The following TRIP10 variants were observed in gnomAD, a reference collection of about 807,000 sequenced individuals.
TRIP10 encodes the protein cdc42-interacting protein 4.
In TRIP10, 54 loss-of-function variants were observed where a neutral mutation model predicts 80.9. The ratio of observed to expected loss-of-function variants is 0.67; its 90% CI spans 0.54 to 0.84. The LOEUF is 0.84. TRIP10 is among the 40% of genes least tolerant of loss of function. The pLI is 0.00. For missense variants in TRIP10, 773 were observed against 815.3 expected, an observed-to-expected ratio of 0.95 and a Z score of 0.63; for synonymous variants, 321 against 307.2, an observed-to-expected ratio of 1.04 and a Z score of -0.47.
intron 11 of TRIP10, among the ~76,000 whole-genome samples, chr19:6,749,558 T>C (rs1388920109): frequency 2.0e-5 from 3 of 152,000 alleles, no homozygotes. Flanking sequence ...AACCCCTGTT[T>C]TTTGCTTGTT....
rs909904546 is a variant in TRIP10 at position 6,746,939 on chromosome 19, G to T, written c.1262+378G>T. Among the ~76,000 whole-genome samples, 2 of 152,188 alleles carry T rather than the reference G, an allele frequency of 1.3e-5. No homozygotes were observed. Among genetic ancestry groups the T allele is most frequent in the African/African-American group, 2.4e-5 (1 of 41,444 alleles). On this transcript the variant is annotated intron_variant, in intron 11 of 14. Coordinates refer to ENST00000313244, the MANE Select transcript of TRIP10 (RefSeq NM_001288962.2). This position sits in a 1 kb window ranked among gnomAD's most constrained non-coding sequence, Gnocchi z 6.2. ...ATTATAGGCATGAGCCACTGCCCGG[G>T]TCTGTAAATGAATGACATTTAAATG...
intron 11 of TRIP10, among the ~76,000 whole-genome samples, chr19:6,749,253 T>C (rs1449875861): frequency 6.6e-6 from 1 of 152,150 alleles, no homozygotes; most frequent in Non-Finnish European, 1.5e-5. Flanking sequence ...CCCAGTGTTA[T>C]ATTTCTGATG....
rs902313774 is a variant in TRIP10 at position 6,745,711 on chromosome 19, A to G, written c.985-318A>G. The G allele has an allele frequency of 1.1e-5, 11 of 985,150 alleles. No homozygotes were observed. The highest frequency in any genetic ancestry group is 1.2e-4 in the Admixed American group (2 of 16,256). 61.0% of individuals were successfully genotyped at this position (985,150 alleles called of 1,614,324 possible). A position where few individuals can be genotyped will look rare whatever the true frequency, so the allele number is the denominator to read the frequency against. Reference sequence around the variant, plus strand: ...CCTGGACCCATGCTTGCTCCCGGACATAACATTCCAGAGACCTAGGAGATA... The same window carrying G: ...CCTGGACCCATGCTTGCTCCCGGACGTAACATTCCAGAGACCTAGGAGATA... On this transcript the variant is annotated intron_variant, in intron 9 of 14. Transcript: ENST00000313244. This position sits in a 1 kb window ranked among gnomAD's most constrained non-coding sequence, Gnocchi z 7.2.
In TRIP10 at chr19:6,745,181, C is replaced by G; in HGVS notation, c.984+187C>G. 1 of 785,968 alleles carries G rather than the reference C, an allele frequency of 1.3e-6. No individual in the cohort carries two copies. The highest frequency in any genetic ancestry group is 1.9e-6 in the Non-Finnish European group (1 of 521,732). The allele number at this position is 785,968 out of a possible 1,614,324, so 48.7% of individuals were successfully genotyped here. A position where few individuals can be genotyped will look rare whatever the true frequency, so the allele number is the denominator to read the frequency against. ...GCCTGGGAGTCCCCCGAGGCGAAGG[C>G]GGGGGCAGGGTGGGGAGGTGGGGAG... On this transcript the variant is annotated intron_variant, in intron 9 of 14. Coordinates refer to ENST00000313244, the MANE Select transcript of TRIP10 (RefSeq NM_001288962.2). The surrounding 1 kb of genome is among the most constrained non-coding windows in gnomAD (Gnocchi z 7.2).
At position 6,743,199 on chromosome 19, in the gene TRIP10, C is replaced by A. The variant is rs781189979; in HGVS notation, c.351C>A (p.Phe117Leu). Residue 117 changes from phenylalanine (F) to leucine (L), a missense_variant, in exon 5 of 15, where the codon TTC becomes TTA. Coordinates refer to ENST00000313244, the MANE Select transcript of TRIP10 (RefSeq NM_001288962.2). ...QEMKQERKMHFQEGRRAQQQL... is the reference protein window; with the variant it reads ...QEMKQERKMHLQEGRRAQQQL... ...TATCACTCTTCTTTCTGTAGCACTT[C>A]CAAGAAGGGCGGCGGGCCCAGCAGC... 1 of 1,614,166 alleles carries A rather than the reference C, an allele frequency of 6.2e-7. No individual in the cohort carries two copies. The highest frequency in any genetic ancestry group is 8.5e-7 in the Non-Finnish European group (1 of 1,180,022).
Position 6,745,922 on chromosome 19 carries a change from CCGTCCATCCGTG to C in TRIP10, c.985-97_985-86del. ...TCCTTTTTCCTTTTTTTGCGTCCAT[CCGTCCATCCGTG>C]CGTCCATCCCTCCGTCCATTCGTCC... On this transcript the variant is annotated intron_variant, in intron 9 of 14. Coordinates refer to ENST00000313244, the MANE Select transcript of TRIP10 (RefSeq NM_001288962.2). The surrounding 1 kb of genome is among the most constrained non-coding windows in gnomAD (Gnocchi z 7.2). 2.4e-6 allele frequency: 3 copies of C among 1,240,010 alleles called. No individual in the cohort carries two copies. The highest frequency in any genetic ancestry group is 3.0e-6 in the Non-Finnish European group (3 of 984,128). 76.8% of individuals were successfully genotyped at this position (1,240,010 alleles called of 1,614,324 possible).
intron 1 of TRIP10, 46 bp from the exon 2 acceptor site, chr19:6,740,964 T>C: frequency 6.4e-7 from 1 of 1,555,038 alleles, no homozygotes; most frequent in East Asian, 2.3e-5. Flanking sequence ...CCCAAAATCG[T>C]GACCCCGGCC....
Position 6,741,020 on chromosome 19 carries a change from A to C in TRIP10, c.35A>C (p.Glu12Ala), listed in dbSNP as rs769275460. ...CATGTCCCATGTCAGGATCAGTTCG[A>C]GGTGCTCGAGCGCCACACGCAGTGG... ...DWGTELWDQF[E>A]VLERHTQWGL... Residue 12 changes from glutamate (E) to alanine (A), a missense_variant, in exon 2 of 15, where the codon GAG becomes GCG. Transcript: ENST00000313244. The C allele has an allele frequency of 2.5e-6, 4 of 1,613,432 alleles. No homozygotes were observed. Among genetic ancestry groups the C allele is most frequent in the African/African-American group, 2.7e-5 (2 of 74,912 alleles).
intron 3 of TRIP10, among the ~76,000 whole-genome samples, chr19:6,742,314 C>A (rs766446534): frequency 6.6e-6 from 1 of 151,886 alleles, no homozygotes; most frequent in Admixed American, 6.6e-5. Context: ...CGCTTGAACC[C>A]GGGAGGCGGA....
chr19:6,745,661 C>T lies in TRIP10; in HGVS notation c.985-368C>T, dbSNP rs1969096784. On this transcript the variant is annotated intron_variant, in intron 9 of 14. Transcript: ENST00000313244. This position sits in a 1 kb window ranked among gnomAD's most constrained non-coding sequence, Gnocchi z 7.2. ...CTGTCAGCCCAGAAAGCTAAGTGGA[C>T]AGAGAGACATGGGCCTCCCTGCCTC... The T allele has an allele frequency of 5.1e-6, 5 of 985,270 alleles. No individual in the cohort carries two copies. Among genetic ancestry groups the T allele is most frequent in the Non-Finnish European group, 6.0e-6 (5 of 829,902 alleles). The allele number at this position is 985,270 out of a possible 1,614,324, so 61.0% of individuals were successfully genotyped here.
rs1026715218 is a variant in TRIP10, at chr19:6,751,399, G to T, written c.*188G>T. 3.0e-6 allele frequency: 4 copies of T among 1,327,452 alleles called. No homozygotes were observed. In the East Asian group the frequency reaches 8.9e-5, roughly 30 times the overall value. 82.2% of individuals were successfully genotyped at this position (1,327,452 alleles called of 1,614,324 possible). A position where few individuals can be genotyped will look rare whatever the true frequency, so the allele number is the denominator to read the frequency against. ...CGGACCCGCTGTGCCTTCTACCATC[G>T]TTCCACCATTGATGTACATACTCAT... On this transcript the variant is annotated 3_prime_UTR_variant, in exon 15 of 15. Coordinates refer to ENST00000313244, the MANE Select transcript of TRIP10 (RefSeq NM_001288962.2).
intron 11 of TRIP10, chr19:6,748,221 G>A (rs1969191894): frequency 1.3e-5 from 2 of 151,980 alleles, no homozygotes; most frequent in South Asian, 4.1e-4. Flanking sequence ...TCCCAGTTCT[G>A]TTACATAATA....
chr19:6,740,947 G>C, intron 1 of TRIP10, 63 bp from the exon 2 acceptor site: 3 of 1,458,552 alleles, frequency 2.1e-6, no homozygotes, highest in Non-Finnish European at 2.9e-6. Flanking sequence ...TCGGCGGGCT[G>C]TGGGGTCCCA....
At chr19:6,742,911 G>A in intron 3 of TRIP10, 56 bp from the exon 4 acceptor site, 2 of 1,598,214 alleles carry the variant, frequency 1.3e-6, no homozygotes, top group Non-Finnish European at 1.7e-6. Context: ...TGGGGCATCA[G>A]CCTGCTCGGG....
rs151099877 is a variant in TRIP10 at position 6,747,000 on chromosome 19, G to A, written c.1262+439G>A. Among the ~76,000 whole-genome samples, 99 of 152,228 alleles carry A rather than the reference G, an allele frequency of 6.5e-4. No individual in the cohort carries two copies. The highest frequency in any genetic ancestry group is 1.7e-3 in the South Asian group (8 of 4,826). On this transcript the variant is annotated intron_variant, in intron 11 of 14. Transcript: ENST00000313244. This position sits in a 1 kb window ranked among gnomAD's most constrained non-coding sequence, Gnocchi z 6.2. ...ATCTCCCCAATAATCCCAAGGCCCC[G>A]ACGGTTTTACAGGTGATTCCTACCA...
At position 6,743,557 on chromosome 19, in the gene TRIP10, C is replaced by T. The variant is rs1968993629; in HGVS notation, c.472C>T (p.Leu158=). ...GAAGGCAGCCCAGACTGCTGAACGGCTAGACCAGGATATCAACGCCACCAA... is the reference window on the plus strand; with the variant it reads ...GAAGGCAGCCCAGACTGCTGAACGGTTAGACCAGGATATCAACGCCACCAA... ...AEKAAQTAER[L]DQDINATKAD... is the part of the protein sequence containing the mutation. Residue 158 remains leucine, a synonymous_variant, in exon 6 of 15, where the codon CTA becomes TTA. Coordinates refer to ENST00000313244, the MANE Select transcript of TRIP10 (RefSeq NM_001288962.2). 6.3e-7 allele frequency: 1 copy of T among 1,599,740 alleles called. No individual in the cohort carries two copies. The highest frequency in any genetic ancestry group is 1.4e-5 in the African/African-American group (1 of 71,054).
At chr19:6,740,370 C>T (rs990598878) in intron 1 of TRIP10, among the ~76,000 whole-genome samples, 1 of 152,224 alleles carries the variant, frequency 6.6e-6, no homozygotes, top group Non-Finnish European at 1.5e-5. Context: ...ATAACCTCAG[C>T]CCTGGAAGCC....
intron 3 of TRIP10, 144 bp from the exon 4 acceptor site, chr19:6,742,823 G>A: frequency 5.4e-6 from 6 of 1,106,106 alleles, no homozygotes; most frequent in Non-Finnish European, 7.7e-6. Flanking sequence ...TGGGGTTAAG[G>A]AATATGGACC....
rs1969100771 is a variant in TRIP10, at chr19:6,745,771, A to G, written c.985-258A>G. The G allele has an allele frequency of 2.0e-6, 2 of 985,062 alleles. No homozygotes were observed. The highest frequency in any genetic ancestry group is 4.7e-5 in the South Asian group (1 of 21,276). The allele number at this position is 985,062 out of a possible 1,614,324, so 61.0% of individuals were successfully genotyped here. On this transcript the variant is annotated intron_variant, in intron 9 of 14. Coordinates refer to ENST00000313244, the MANE Select transcript of TRIP10 (RefSeq NM_001288962.2). The surrounding 1 kb of genome is among the most constrained non-coding windows in gnomAD (Gnocchi z 7.2). Reference sequence around the variant, plus strand: ...TGAGAGTTCTGGCTTTCGGGCTTACAGTTCAACATCCTCCCCGCCACCTTC... The same window carrying G: ...TGAGAGTTCTGGCTTTCGGGCTTACGGTTCAACATCCTCCCCGCCACCTTC...
Sources: allele counts gnomAD v4.1 joint callset (sites outside exome capture counted in the v4.1 genomes callset), GRCh38; gene constraint gnomAD v4.1.1; non-coding constraint Gnocchi (gnomAD v3.1); transcripts MANE v1.5; gene names NCBI Gene and HGNC (gene_info 2026-07-23, HGNC 2026-07-21).